Variants in TTN observed in about 807,000 individuals in gnomAD.
TTN encodes the protein connectin.
TTN carries 1,525 observed loss-of-function variants against 3,223.0 expected under a neutral mutation model. The ratio of observed to expected loss-of-function variants is 0.47; its 90% CI spans 0.45 to 0.49. The LOEUF is 0.49. Ranked by LOEUF, TTN falls within the 20% of genes least tolerant of loss-of-function variation. TTN has a pLI of 0.00. For synonymous variants in TTN, 14,094 were observed against 15,161.0 expected (o/e 0.93, Z 5.17); for missense variants, 40,786 against 43,424.0 (o/e 0.94, Z 5.40).
At position 178,688,604 on chromosome 2, in the gene TTN, C is replaced by G. The variant is rs1271171027; in HGVS notation, c.32197+73G>C. The G allele has an allele frequency of 5.9e-6, 6 of 1,019,968 alleles. No homozygotes were observed. In the East Asian group the frequency reaches 1.4e-4, roughly 24 times the overall value. The allele number at this position is 1,019,968 out of a possible 1,614,324, so 63.2% of individuals were successfully genotyped here. On this transcript the variant is annotated intron_variant, in intron 126 of 362. Transcript: ENST00000589042. The stretch of plus-strand genomic sequence containing the variant: ...GAGGACATGTTCTAAAGTAAACAAT[C>G]ACATGTGGAAGAAGAAGAGACTTTG...
rs2076791641 is a variant in TTN at position 178,712,379 on chromosome 2, T to C, written c.27543A>G (p.Gln9181=). The C allele has an allele frequency of 6.2e-7, 1 of 1,613,876 alleles. No individual in the cohort carries two copies. The highest frequency in any genetic ancestry group is 1.3e-5 in the African/African-American group (1 of 75,052). Residue 9181 remains glutamine, a synonymous_variant, in exon 95 of 363, where the codon CAA becomes CAG. Coordinates refer to ENST00000589042, the MANE Select transcript of TTN (RefSeq NM_001267550.2). ...IPSSTVEDAG[Q]YNCYIENASG... The stretch of plus-strand genomic sequence containing the variant: ...AGGCATTTTCAATGTAGCAGTTGTA[T>C]TGTCCTGCATCCTCTACTGTGCTAC...
rs1485429974 is a variant in TTN, at chr2:178,650,181, T to A, written c.39800A>T (p.Glu13267Val). The A allele has an allele frequency of 6.3e-7, 1 of 1,585,546 alleles. No homozygotes were observed. The highest frequency in any genetic ancestry group is 8.6e-7 in the Non-Finnish European group (1 of 1,164,214). Residue 13267 changes from glutamate to valine, a missense_variant, in exon 210 of 363, where the codon GAG becomes GTG. Physicochemically the swap from Glu to Val is moderately radical, Grantham distance 121. Transcript: ENST00000589042. Reference sequence around the variant, plus strand: ...CTTTGTACCTGCTGGAGGTGGAACCTCTGGTTCCTCCTCTTCTGCAACAGG... The same window carrying A: ...CTTTGTACCTGCTGGAGGTGGAACCACTGGTTCCTCCTCTTCTGCAACAGG... ...PVPVAEEEEP[E>V]VPPPAVPEEP...
chr2:178,715,710 C>G lies in TTN; in HGVS notation c.25704G>C (p.Arg8568Ser). The stretch of plus-strand genomic sequence containing the variant: ...GAGACCCACCGATTTTGCATTCATA[C>G]CTTGTGAATTCATCCTGTTTCACAA... ...SRIVKQDEFT[R>S]YECKIGGSPE... The change falls in exon 89 of 363, where the codon AGG becomes AGC. Residue 8568 changes from arginine to serine, a missense_variant. Transcript: ENST00000589042. 6.2e-7 allele frequency: 1 copy of G among 1,605,682 alleles called. No individual in the cohort carries two copies.
At position 178,565,090 on chromosome 2, in the gene TTN, A is replaced by T. The variant is rs1468937743; in HGVS notation, c.81042T>A (p.Asp27014Glu). ...QISNYIVEKR[D>E]TTTTTWHMVS... ...CCATGTGCCAAGTGGTGGTGGTTGT[A>T]TCTCGCTTCTCTACAATGTAGTTGC... The change falls in exon 326 of 363, where the codon GAT becomes GAA. Residue 27014 changes from aspartate to glutamate, a missense_variant. Transcript: ENST00000589042. 1 of 1,613,586 alleles carries T rather than the reference A, an allele frequency of 6.2e-7. No homozygotes were observed. Among genetic ancestry groups the T allele is most frequent in the Non-Finnish European group, 8.5e-7 (1 of 1,179,650 alleles).
rs548071435 is a variant in TTN, at chr2:178,589,579, C to G, written c.62146G>C (p.Glu20716Gln). 2.5e-6 allele frequency: 4 copies of G among 1,613,420 alleles called. No homozygotes were observed. Among genetic ancestry groups the G allele is most frequent in the Non-Finnish European group, 3.4e-6 (4 of 1,179,602 alleles). ...TTAATGCTTCCTTTATGCACTCTTT[C>G]CCAGTCATCGGAGCCCTTAAGCCTT... ...ERRLKGSDDW[E>Q]RVHKGSIKET... The change falls in exon 304 of 363, where the codon GAA (glutamate) becomes CAA (glutamine). Residue 20716 changes from glutamate (E) to glutamine (Q), a missense_variant. Glu to Gln is a conservative substitution (Grantham distance 29). Coordinates refer to ENST00000589042, the MANE Select transcript of TTN (RefSeq NM_001267550.2).
At position 178,773,279 on chromosome 2, in the gene TTN, T is replaced by C. The variant is rs2091799786; in HGVS notation, c.7685A>G (p.Asp2562Gly). ...FEVELSHSGI[D>G]VLWNFKDKEI... is the part of the protein sequence containing the mutation. ...CTTGTCCTTAAAATTCCACAGGACA[T>C]CAATTCCAGAGTGGGACAGCTCAAC... Residue 2562 changes from aspartate to glycine, a missense_variant, in exon 33 of 363, where the codon GAT becomes GGT. Transcript: ENST00000589042. 1 of 1,614,004 alleles carries C rather than the reference T, an allele frequency of 6.2e-7. No individual in the cohort carries two copies. The highest frequency in any genetic ancestry group is 1.3e-5 in the African/African-American group (1 of 75,040).
Position 178,568,200 on chromosome 2 carries a change from C to CTGG in TTN, c.77931_77932insCCA (p.Leu25977_Glu25978insPro). On this transcript the variant is annotated inframe_insertion, in exon 326 of 363. Transcript: ENST00000589042. The stretch of plus-strand genomic sequence containing the variant: ...TATTGAGCTACAATTGGATCAGACT[C>CTGG]TAAGGCAAAGCTTTGTCCATATCTG... The CTGG allele has an allele frequency of 6.2e-7, 1 of 1,613,476 alleles. No homozygotes were observed. The highest frequency in any genetic ancestry group is 1.1e-5 in the South Asian group (1 of 91,064).
chr2:178,549,847 C>T lies in TTN; in HGVS notation c.91875G>A (p.Gly30625=), dbSNP rs1183010396. 6.3e-7 allele frequency: 1 copy of T among 1,576,138 alleles called. No individual in the cohort carries two copies. Among genetic ancestry groups the T allele is most frequent in the Non-Finnish European group, 8.6e-7 (1 of 1,162,302 alleles). Reference sequence around the variant, plus strand: ...CAGTAATATTGGTGAATCTTATTGGCCCAACTACTTTTCCTGGTGTATCTA... The same window carrying T: ...CAGTAATATTGGTGAATCTTATTGGTCCAACTACTTTTCCTGGTGTATCTA... The part of the protein sequence containing the change: ...KVQDTPGKVV[G]PIRFTNITGE... Residue 30625 remains glycine, a synonymous_variant, in exon 338 of 363, where the codon GGG becomes GGA. Coordinates refer to ENST00000589042, the MANE Select transcript of TTN (RefSeq NM_001267550.2).
At chr2:178,650,069 C>T (rs2062685240) in intron 210 of TTN, 95 bp downstream of exon 210, 1 of 1,316,616 alleles carries the variant, frequency 7.6e-7, no homozygotes, top group Admixed American at 2.6e-5. Flanking sequence ...TTTCAGGCAA[C>T]AAGATACAAG....
intron 47 of TTN, chr2:178,750,232 T>C: frequency 6.2e-7 from 1 of 1,613,246 alleles, no homozygotes; most frequent in Non-Finnish European, 8.5e-7. Flanking sequence ...CTAACTCTTC[T>C]TCCTCATCCA....
Position 178,776,678 on chromosome 2 carries a change from A to G in TTN, c.5186T>C (p.Ile1729Thr), listed in dbSNP as rs1201228065. The G allele has an allele frequency of 7.4e-6, 12 of 1,614,142 alleles. No homozygotes were observed. The highest frequency in any genetic ancestry group is 6.7e-5 in the Admixed American group (4 of 60,014). The change falls in exon 28 of 363, where the codon ATT (isoleucine) becomes ACT (threonine). Residue 1729 changes from isoleucine (I) to threonine (T), a missense_variant. Transcript: ENST00000589042. ...CTCCACCACCATCGTTGGGTCACCA[A>G]TGGGTGTTAGCCTGCATTCAAAGTG... ...PAHFECRLTP[I>T]GDPTMVVEWL... is the part of the protein sequence containing the mutation.
rs2093666326 is a variant in TTN at position 178,794,436 on chromosome 2, G to GA, written c.1360_1361insT (p.Thr454IlefsTer25). The GA allele has an allele frequency of 6.8e-6, 11 of 1,614,032 alleles. No individual in the cohort carries two copies. Among genetic ancestry groups the GA allele is most frequent in the Non-Finnish European group, 9.3e-6 (11 of 1,180,016 alleles). ...AGGTTGGATGTGCACAGCAGTCGTG[G>GA]TTGTCCTCTGAGCAGTCTGCTCTAC... On this transcript the variant is annotated frameshift_variant, in exon 8 of 363. Coordinates refer to ENST00000589042, the MANE Select transcript of TTN (RefSeq NM_001267550.2). LOFTEE classifies it high-confidence loss of function.
In TTN at chr2:178,633,433, T is replaced by C; in HGVS notation, c.42926A>G (p.Lys14309Arg). 6.2e-7 allele frequency: 1 copy of C among 1,613,424 alleles called. No individual in the cohort carries two copies. The change falls in exon 232 of 363, where the codon AAG (lysine) becomes AGG (arginine). Residue 14309 changes from lysine (K) to arginine (R), a missense_variant. By Grantham distance (26) the Lys-to-Arg change is conservative. Coordinates refer to ENST00000589042, the MANE Select transcript of TTN (RefSeq NM_001267550.2). The stretch of plus-strand genomic sequence containing the variant: ...CTCACCCTCAACAGTAACATTTGCC[T>C]TGGTCTTGTCTGTGCCACAGTCACA... Reference protein sequence around the residue: ...YVCDCGTDKTKANVTVEARLI... With the variant: ...YVCDCGTDKTRANVTVEARLI...
In TTN at chr2:178,545,991, C is replaced by T. The variant is rs139542862; in HGVS notation, c.95245G>A (p.Glu31749Lys). ...EITHYIVERR[E>K]TSRLNWVIVE... is the part of the protein sequence containing the mutation. ...ATCACCCAGTTGAGCCTGCTAGTCTCGCGTCTTTCCACGATGTAGTGAGTG... is the reference window on the plus strand; with the variant it reads ...ATCACCCAGTTGAGCCTGCTAGTCTTGCGTCTTTCCACGATGTAGTGAGTG... The change falls in exon 343 of 363, where the codon GAG (glutamate) becomes AAG (lysine). Residue 31749 changes from glutamate (E) to lysine (K), a missense_variant. By Grantham distance (56) the Glu-to-Lys change is moderately conservative. Coordinates refer to ENST00000589042, the MANE Select transcript of TTN (RefSeq NM_001267550.2). 6.1e-5 allele frequency: 98 copies of T among 1,613,782 alleles called. No individual in the cohort carries two copies. Among genetic ancestry groups the T allele is most frequent in the African/African-American group, 2.0e-4 (15 of 75,016 alleles).
chr2:178,694,834 G>T lies in TTN; in HGVS notation c.31343C>A (p.Thr10448Asn). The change falls in exon 116 of 363, where the codon ACC becomes AAC. Residue 10448 changes from threonine to asparagine, a missense_variant. By Grantham distance (65) the Thr-to-Asn change is moderately conservative. Transcript: ENST00000589042. ...RRMEEEKVQV[T>N]KVPEVSKKIV... ...AGGAATGTTTTAAATAATACCTTTG[G>T]TGACTTGAACTTTTTCTTCCTCCAT... The T allele has an allele frequency of 6.4e-7, 1 of 1,556,974 alleles. No individual in the cohort carries two copies. Among genetic ancestry groups the T allele is most frequent in the Non-Finnish European group, 8.7e-7 (1 of 1,148,530 alleles).
chr2:178,756,667 T>C lies in TTN; in HGVS notation c.10809A>G (p.Gly3603=). The change falls in exon 46 of 363, where the codon GGA becomes GGG. Residue 3603 remains glycine (G), a synonymous_variant. Coordinates refer to ENST00000589042, the MANE Select transcript of TTN (RefSeq NM_001267550.2). Reference sequence around the variant, plus strand: ...CCTGCACTTCATATTCATATGATGATCCTTGAAATGACTTAATTTCCTTTT... The same window carrying C: ...CCTGCACTTCATATTCATATGATGACCCTTGAAATGACTTAATTTCCTTTT... The part of the protein sequence containing the change: ...ISQKEIKSFQ[G]SSYEYEVQVF... 6.2e-7 allele frequency: 1 copy of C among 1,613,880 alleles called. No individual in the cohort carries two copies. Among genetic ancestry groups the C allele is most frequent in the South Asian group, 1.1e-5 (1 of 91,090 alleles).
chr2:178,723,384 A>G (rs200378829), intron 74 of TTN, 34 bp downstream of exon 74: 12 of 1,604,540 alleles, frequency 7.5e-6, no homozygotes, highest in African/African-American at 1.3e-5. Flanking sequence ...GTCGGTATAC[A>G]GAAAACAGAA....
chr2:178,698,978 T>C, intron 111 of TTN, 64 bp from the exon 112 acceptor site: 1 of 1,391,796 alleles, frequency 7.2e-7, no homozygotes, highest in African/African-American at 1.5e-5. Flanking sequence ...TAAAATGCTT[T>C]CAGGAAACTA....
chr2:178,683,031 T>A, intron 134 of TTN, 128 bp from the exon 135 acceptor site: 2 of 1,060,502 alleles, frequency 1.9e-6, no homozygotes, highest in Non-Finnish European at 2.8e-6. Context: ...AGACCCTGAC[T>A]GTTCTTTTTT....
Sources: allele counts gnomAD v4.1 joint callset, GRCh38; gene constraint gnomAD v4.1.1; transcripts MANE v1.5; gene names NCBI Gene and HGNC (gene_info 2026-07-23, HGNC 2026-07-21).